AKAP13: variants seen among roughly 807,000 people sequenced by gnomAD.
AKAP13 encodes A-kinase anchor protein 13.
Under a neutral mutation model 264.5 loss-of-function variants are expected in AKAP13, and 80 were observed. The ratio of observed to expected loss-of-function variants is 0.30; its 90% CI spans 0.25 to 0.36. The LOEUF (loss-of-function observed/expected upper bound fraction) is 0.36. AKAP13 is among the 10% of genes least tolerant of loss of function. AKAP13 has a pLI of 1.00. For missense variants in AKAP13, 3,712 were observed against 3,435.2 expected, an observed-to-expected ratio of 1.08 and a Z score of -2.01; for synonymous variants, 1,380 against 1,250.2, an observed-to-expected ratio of 1.10 and a Z score of -2.19.
At chr15:85,615,790 T>C (rs2080908610) in intron 8 of AKAP13, among the ~76,000 whole-genome samples, 1 of 152,222 alleles carries the variant, frequency 6.6e-6, no homozygotes, top group South Asian at 2.1e-4. Flanking sequence ...CCATGAACTA[T>C]ATGGCATGTG....
At chr15:85,499,300 T>C (rs1267546150) in intron 2 of AKAP13, among the ~76,000 whole-genome samples, 1 of 152,210 alleles carries the variant, frequency 6.6e-6, no homozygotes, top group African/African-American at 2.4e-5. Flanking sequence ...TTTTTCATGA[T>C]ATTTTTATGT....
intron 35 of AKAP13, among the ~76,000 whole-genome samples, chr15:85,741,920 C>T (rs552073748): frequency 1.3e-5 from 2 of 152,120 alleles, no homozygotes; most frequent in Admixed American, 6.5e-5. Flanking sequence ...TGGCAGGCGC[C>T]TATAATCCCA....
At chr15:85,464,959 G>C (rs923957242) in intron 1 of AKAP13, among the ~76,000 whole-genome samples, 1 of 151,594 alleles carries the variant, frequency 6.6e-6, no homozygotes, top group African/African-American at 2.4e-5. Flanking sequence ...TTATTTTTTT[G>C]AGATGGAGCC....
chr15:85,740,764 C>T (rs992738221), intron 34 of AKAP13, among the ~76,000 whole-genome samples: 18 of 116,510 alleles, frequency 1.5e-4, no homozygotes, highest in African/African-American at 6.1e-4. Context: ...CAGACACACA[C>T]ACACACAACC....
chr15:85,399,352 C>T (rs1014266585), intron 1 of AKAP13, among the ~76,000 whole-genome samples: 33 of 148,612 alleles, frequency 2.2e-4, no homozygotes, highest in Middle Eastern at 3.4e-3. Flanking sequence ...AAAAATTAGC[C>T]GGGCGCGGTG....
At chr15:85,514,608 C>T (rs776268559) in intron 2 of AKAP13, among the ~76,000 whole-genome samples, 1 of 137,832 alleles carries the variant, frequency 7.3e-6, no homozygotes, top group Non-Finnish European at 1.5e-5. Flanking sequence ...GAGTGTTCCT[C>T]TGTTGTGTAA....
chr15:85,456,550 G>GT (rs34952196), intron 1 of AKAP13, among the ~76,000 whole-genome samples: 1,814 of 121,826 alleles, frequency 0.015, 32 homozygotes, highest in East Asian at 0.05. Flanking sequence ...CCCACTTTCT[G>GT]TTTTTTTTTT....
intron 2 of AKAP13, among the ~76,000 whole-genome samples, chr15:85,506,955 G>A (rs1348585146): frequency 6.6e-6 from 1 of 152,070 alleles, no homozygotes; most frequent in Non-Finnish European, 1.5e-5. Context: ...CCCCTCCTTG[G>A]AGTGACTTTA....
At chr15:85,722,872 C>G (rs1301225758) in intron 25 of AKAP13, among the ~76,000 whole-genome samples, 200 bp from the exon 26 acceptor site, 1 of 151,946 alleles carries the variant, frequency 6.6e-6, no homozygotes, top group East Asian at 1.9e-4. Flanking sequence ...TTATTTATAT[C>G]ATTGAAAACT....
chr15:85,565,882 T>G (rs2078588455), intron 5 of AKAP13, among the ~76,000 whole-genome samples: 1 of 152,250 alleles, frequency 6.6e-6, no homozygotes, highest in African/African-American at 2.4e-5. Flanking sequence ...TGAAAACTAG[T>G]GTCTTAGTTG....
At chr15:85,450,106 T>A (rs2074030449) in intron 1 of AKAP13, among the ~76,000 whole-genome samples, 1 of 152,128 alleles carries the variant, frequency 6.6e-6, no homozygotes, top group Non-Finnish European at 1.5e-5. Flanking sequence ...TCATTATTGG[T>A]CTGTTTAGGG....
intron 1 of AKAP13, among the ~76,000 whole-genome samples, chr15:85,464,536 T>C (rs1282317823): frequency 6.6e-6 from 1 of 152,248 alleles, no homozygotes; most frequent in Non-Finnish European, 1.5e-5. Flanking sequence ...CCTAGGTCAT[T>C]TCTAACTCTC....
At chr15:85,413,444 T>C (rs2072082308) in intron 1 of AKAP13, among the ~76,000 whole-genome samples, 1 of 152,224 alleles carries the variant, frequency 6.6e-6, no homozygotes, top group South Asian at 2.1e-4. Context: ...ATAGAAACTT[T>C]AGATTGTCTG....
At chr15:85,388,210 AT>A (rs576182387) in intron 1 of AKAP13, among the ~76,000 whole-genome samples, 410 of 139,646 alleles carry the variant, frequency 2.9e-3, no homozygotes, top group Middle Eastern at 0.011. Flanking sequence ...TAATTTTTGT[AT>A]TTTTTTTTTT....
intron 8 of AKAP13, among the ~76,000 whole-genome samples, chr15:85,631,520 A>T (rs879817345): frequency 0.25 from 14,161 of 57,470 alleles, 1,979 homozygotes; most frequent in African/African-American, 0.45. Context: ...ACACACACAC[A>T]CACACACACA....
chr15:85,481,700 C>T (rs28402355), intron 1 of AKAP13, among the ~76,000 whole-genome samples: 3,198 of 152,268 alleles, frequency 0.021, 106 homozygotes, highest in African/African-American at 0.073. Flanking sequence ...CTTAAAACCA[C>T]ATCATTTAAG....
intron 4 of AKAP13, among the ~76,000 whole-genome samples, 166 bp from the exon 5 acceptor site, chr15:85,543,606 T>C (rs1040107819): frequency 1.8e-4 from 27 of 152,360 alleles, no homozygotes; most frequent in African/African-American, 6.3e-4. Flanking sequence ...ACTTGAGGGC[T>C]GATTCTACCT....
intron 26 of AKAP13, among the ~76,000 whole-genome samples, chr15:85,725,454 G>A (rs918615704): frequency 1.3e-5 from 2 of 152,030 alleles, no homozygotes; most frequent in Non-Finnish European, 2.9e-5. Flanking sequence ...TTTCATAACT[G>A]ATGGCAGTAC....
intron 1 of AKAP13, among the ~76,000 whole-genome samples, chr15:85,391,818 T>A (rs1381487606): frequency 1.3e-5 from 2 of 151,648 alleles, no homozygotes; most frequent in African/African-American, 4.9e-5. Context: ...AGAGTCTTGC[T>A]TTGTCACCCA....
Sources: gnomAD v4.1 joint callset for allele counts (sites outside exome capture counted in the v4.1 genomes callset) on GRCh38, gnomAD v4.1.1 for gene constraint, MANE v1.5 for transcripts, NCBI Gene and HGNC (gene_info 2026-07-23, HGNC 2026-07-21) for gene names.